Variants in TTC39B observed in about 807,000 individuals in gnomAD.
TTC39B encodes tetratricopeptide repeat domain 39B.
A neutral mutation model predicts 96.6 loss-of-function variants in TTC39B; 92 were observed. That is an observed-to-expected ratio of 0.95 (90% CI 0.80 to 1.13). The LOEUF is 1.13. TTC39B is among the 50% of genes most tolerant of loss of function. The pLI, the probability that TTC39B is intolerant of heterozygous loss-of-function variation, is 0.00. For synonymous variants in TTC39B, 367 were observed against 299.4 expected (o/e 1.23, Z -2.33); for missense variants, 955 against 809.3 (o/e 1.18, Z -2.18).
At chr9:15,234,044 C>T (rs1232530313) in intron 2 of TTC39B, among the ~76,000 whole-genome samples, 7 of 121,982 alleles carry the variant, frequency 5.7e-5, no homozygotes, top group South Asian at 4.8e-4. Context: ...TCTGACCCGC[C>T]GCCCCGTCTG....
intron 1 of TTC39B, among the ~76,000 whole-genome samples, chr9:15,289,631 G>T (rs1373185447): frequency 1.2e-4 from 19 of 152,222 alleles, no homozygotes; most frequent in Admixed American, 1.2e-3. Context: ...GCTAGGAACA[G>T]ATACCACAAA....
At chr9:15,260,283 T>A (rs1043161868) in intron 2 of TTC39B, among the ~76,000 whole-genome samples, 2 of 151,828 alleles carry the variant, frequency 1.3e-5, no homozygotes, top group Non-Finnish European at 2.9e-5. Flanking sequence ...TTGTGTTTTT[T>A]TTTTTTTCCT....
At chr9:15,257,545 C>T (rs1473876796) in intron 2 of TTC39B, among the ~76,000 whole-genome samples, 2 of 152,028 alleles carry the variant, frequency 1.3e-5, no homozygotes, top group African/African-American at 4.8e-5. Context: ...ACTTCTGCGG[C>T]TCAAATGATC....
chr9:15,276,344 C>G (rs1335721988), intron 1 of TTC39B, among the ~76,000 whole-genome samples: 1 of 152,170 alleles, frequency 6.6e-6, no homozygotes, highest in Non-Finnish European at 1.5e-5. Context: ...ATAGAAAATC[C>G]TTTCCCCCTT....
intron 9 of TTC39B, among the ~76,000 whole-genome samples, chr9:15,191,461 T>C (rs775677380): frequency 9.2e-5 from 14 of 152,202 alleles, no homozygotes; most frequent in Non-Finnish European, 1.8e-4. Flanking sequence ...TTTAAAAAGT[T>C]TTTTTTAAGC....
intron 8 of TTC39B, among the ~76,000 whole-genome samples, chr9:15,194,051 T>C (rs1047017186): frequency 3.9e-5 from 6 of 152,210 alleles, no homozygotes; most frequent in Non-Finnish European, 7.3e-5. Flanking sequence ...ATATGAATAC[T>C]GTATCCATGT....
chr9:15,304,816 T>C (rs1185632342), intron 1 of TTC39B, among the ~76,000 whole-genome samples: 1 of 152,182 alleles, frequency 6.6e-6, no homozygotes, highest in East Asian at 1.9e-4. Context: ...GGGAAGGACC[T>C]TGTCTGTCTT....
At chr9:15,261,454 G>C (rs1822942564) in intron 2 of TTC39B, among the ~76,000 whole-genome samples, 2 of 146,616 alleles carry the variant, frequency 1.4e-5, no homozygotes, top group Admixed American at 1.4e-4. Context: ...TAGCCTGGGA[G>C]ACAGAGTGAG....
At chr9:15,244,026 T>A (rs958351436) in intron 2 of TTC39B, among the ~76,000 whole-genome samples, 6 of 152,256 alleles carry the variant, frequency 3.9e-5, no homozygotes, top group African/African-American at 7.2e-5. Context: ...AGCAAATTAC[T>A]GACCAAGTTG....
chr9:15,293,861 G>A (rs1239325487), intron 1 of TTC39B, among the ~76,000 whole-genome samples: 2 of 152,174 alleles, frequency 1.3e-5, no homozygotes, highest in Non-Finnish European at 2.9e-5. Flanking sequence ...GGTTGGAACC[G>A]TGTTCAAATA....
At chr9:15,210,249 C>A in intron 5 of TTC39B, 85 bp from the exon 6 acceptor site, 2 of 860,868 alleles carry the variant, frequency 2.3e-6, no homozygotes, top group South Asian at 1.6e-5. Flanking sequence ...TCATTTCAGT[C>A]ACTATCACAC....
At chr9:15,256,890 C>G (rs113112335) in intron 2 of TTC39B, among the ~76,000 whole-genome samples, 2 of 152,266 alleles carry the variant, frequency 1.3e-5, no homozygotes, top group African/African-American at 4.8e-5. Flanking sequence ...ACCTTATGAA[C>G]AAAGGTAGAT....
At chr9:15,260,979 T>G (rs922761523) in intron 2 of TTC39B, among the ~76,000 whole-genome samples, 1 of 152,236 alleles carries the variant, frequency 6.6e-6, no homozygotes, top group African/African-American at 2.4e-5. Flanking sequence ...TTCCGTAAGA[T>G]GCTCTGGAAT....
At chr9:15,232,618 C>A (rs1346957853) in intron 2 of TTC39B, among the ~76,000 whole-genome samples, 1 of 152,152 alleles carries the variant, frequency 6.6e-6, no homozygotes, top group East Asian at 1.9e-4. Flanking sequence ...AAACTCAACA[C>A]AATGAAACCA....
At chr9:15,288,790 G>T (rs143506922) in intron 1 of TTC39B, among the ~76,000 whole-genome samples, 1 of 152,228 alleles carries the variant, frequency 6.6e-6, no homozygotes, top group Non-Finnish European at 1.5e-5. Context: ...GGATGCTGCC[G>T]TGAGGCCGGA....
At chr9:15,248,568 C>T (rs1044340381) in intron 2 of TTC39B, among the ~76,000 whole-genome samples, 2 of 152,002 alleles carry the variant, frequency 1.3e-5, no homozygotes, top group Non-Finnish European at 1.5e-5. Context: ...ATCCCCAGAG[C>T]CTGGCAAGAG....
intron 19 of TTC39B, among the ~76,000 whole-genome samples, chr9:15,173,289 C>G (rs1307254929): frequency 6.6e-6 from 1 of 152,122 alleles, no homozygotes; most frequent in Non-Finnish European, 1.5e-5. Flanking sequence ...GCAACTTGCT[C>G]TCATATCACC....
chr9:15,195,688 A>T lies in TTC39B; in HGVS notation c.825-2993T>A, dbSNP rs1030639685. On this transcript the variant is annotated intron_variant, in intron 8 of 19. Coordinates refer to ENST00000512701, the Ensembl canonical transcript of TTC39B. The stretch of plus-strand genomic sequence containing the variant: ...CCATCTCCAAAAAAAAAAAAAAAAA[A>T]AAAAAGTGCTAAGTGAAGCTGCAAG... Among the ~76,000 whole-genome samples, 7 of 151,876 alleles carry T rather than the reference A, an allele frequency of 4.6e-5. No homozygotes were observed. In the East Asian group the frequency reaches 1.4e-3, roughly 29 times the overall value.
At chr9:15,266,856 G>C (rs1259126819) in intron 2 of TTC39B, among the ~76,000 whole-genome samples, 1 of 152,160 alleles carries the variant, frequency 6.6e-6, no homozygotes, top group Non-Finnish European at 1.5e-5. Flanking sequence ...AAGAGGGGCA[G>C]ATCACGAGGT....
Sources: gnomAD v4.1 joint callset for allele counts (sites outside exome capture counted in the v4.1 genomes callset) on GRCh38, gnomAD v4.1.1 for gene constraint, MANE v1.5 for transcripts, NCBI Gene and HGNC (gene_info 2026-07-23, HGNC 2026-07-21) for gene names.